SDHAF4: variants seen among roughly 807,000 people sequenced by gnomAD.
SDHAF4 encodes succinate dehydrogenase complex assembly factor 4.
Under a neutral mutation model 14.3 loss-of-function variants are expected in SDHAF4, and 14 were observed. That is an observed-to-expected ratio of 0.98 (90% CI 0.65 to 1.53). SDHAF4 has a LOEUF of 1.53. Among genes scored for constraint, SDHAF4 ranks in the 40% most tolerant of loss-of-function variants. The pLI, the probability that SDHAF4 is intolerant of heterozygous loss-of-function variation, is 0.00. For missense variants in SDHAF4, 141 were observed against 129.3 expected, an observed-to-expected ratio of 1.09 and a Z score of -0.44; for synonymous variants, 63 against 47.3, an observed-to-expected ratio of 1.33 and a Z score of -1.36.
chr6:70,588,523 AAAT>A, intron 2 of SDHAF4, 89 bp from the exon 3 acceptor site: 1 of 580,114 alleles, frequency 1.7e-6, no homozygotes, highest in Non-Finnish European at 2.9e-6. Context: ...CTGTCTCAAA[AAAT>A]AATAAATAAA....
intron 1 of SDHAF4, among the ~76,000 whole-genome samples, chr6:70,572,556 A>T (rs1802197621): frequency 6.6e-6 from 1 of 152,196 alleles, no homozygotes; most frequent in Non-Finnish European, 1.5e-5. Context: ...TTTATCAATT[A>T]AAAAATGAAG....
Position 70,588,681 on chromosome 6 carries a change from G to A in SDHAF4, c.284G>A (p.Arg95Gln), listed in dbSNP as rs756873098. The change falls in exon 3 of 3, where the codon CGA becomes CAA. Residue 95 changes from arginine (R) to glutamine (Q), a missense_variant. Physicochemically the swap from Arg to Gln is conservative, Grantham distance 43. Transcript: ENST00000370474. ...GGACCCAGGGGCCCAGAACCTACCC[G>A]ATATGGAGATTGGGAACGAAAAGGA... ...KGGPRGPEPTRYGDWERKGRC... is the reference protein window; with the variant it reads ...KGGPRGPEPTQYGDWERKGRC... 35 of 1,605,774 alleles carry A rather than the reference G, an allele frequency of 2.2e-5. No homozygotes were observed. Among genetic ancestry groups the A allele is most frequent in the South Asian group, 3.3e-5 (3 of 90,052 alleles).
intron 1 of SDHAF4, among the ~76,000 whole-genome samples, chr6:70,569,536 GC>G (rs1802153767): frequency 6.6e-6 from 1 of 152,152 alleles, no homozygotes; most frequent in Admixed American, 6.5e-5. Flanking sequence ...GAGCTGCCAC[GC>G]CCGGCCTTTT....
chr6:70,570,526 T>G (rs1003758112), intron 1 of SDHAF4, among the ~76,000 whole-genome samples: 2 of 152,160 alleles, frequency 1.3e-5, no homozygotes, highest in Non-Finnish European at 2.9e-5. Context: ...TTTTGCCATG[T>G]TAGCCAAGTG....
At chr6:70,587,168 T>TCACACACA (rs56012930) in intron 2 of SDHAF4, among the ~76,000 whole-genome samples, 22,405 of 135,388 alleles carry the variant, frequency 0.17, 1,864 homozygotes, top group Middle Eastern at 0.2. Flanking sequence ...TGAAACTCCA[T>TCACACACA]CACACACACA....
At chr6:70,597,870 C>T in the SDHAF4 span, among the ~76,000 whole-genome samples, 1 of 152,178 alleles carries the variant, frequency 6.6e-6, no homozygotes. Flanking sequence ...TTAAGCCCTT[C>T]CTGGTCCAAG....
intron 2 of SDHAF4, 77 bp downstream of exon 2, chr6:70,579,643 G>A (rs1432170767): frequency 2.4e-6 from 3 of 1,265,194 alleles, no homozygotes; most frequent in South Asian, 4.0e-5. Flanking sequence ...TGAGTGAAAG[G>A]AAAGAAATTT....
chr6:70,577,769 T>A (rs1204625270), intron 1 of SDHAF4, among the ~76,000 whole-genome samples: 1 of 152,196 alleles, frequency 6.6e-6, no homozygotes. Flanking sequence ...TGTTCTTGAG[T>A]ATCCAGTGTT....
chr6:70,570,133 A>G (rs1301779047), intron 1 of SDHAF4, among the ~76,000 whole-genome samples: 2 of 152,172 alleles, frequency 1.3e-5, no homozygotes, highest in Non-Finnish European at 2.9e-5. Flanking sequence ...ACCTGTCTTG[A>G]TAATTATAGC....
chr6:70,595,113 T>C, the SDHAF4 span, among the ~76,000 whole-genome samples: 409 of 152,150 alleles, frequency 2.7e-3, 6 homozygotes, highest in Admixed American at 0.025. Flanking sequence ...AAAAGTCAAG[T>C]CCAGTGTACA....
the SDHAF4 span, among the ~76,000 whole-genome samples, chr6:70,594,953 T>C: frequency 2.6e-5 from 4 of 151,924 alleles, no homozygotes; most frequent in African/African-American, 9.7e-5. Context: ...ATTACCTAGT[T>C]TCAGCTATTC....
chr6:70,594,914 G>GAA, the SDHAF4 span, among the ~76,000 whole-genome samples: 1,688 of 139,088 alleles, frequency 0.012, 31 homozygotes, highest in African/African-American at 0.039. Context: ...CTCCATCTCA[G>GAA]AAAAAAAAAA....
chr6:70,591,116 A>T (rs766647232), downstream of SDHAF4, among the ~76,000 whole-genome samples: 11 of 152,118 alleles, frequency 7.2e-5, no homozygotes, highest in East Asian at 1.9e-3. Flanking sequence ...ACCAGTTCCA[A>T]TGCTAATCTC....
chr6:70,576,086 G>T (rs1802251980), intron 1 of SDHAF4, among the ~76,000 whole-genome samples: 1 of 152,116 alleles, frequency 6.6e-6, no homozygotes, highest in Non-Finnish European at 1.5e-5. Flanking sequence ...TGTTTCTTTT[G>T]CTCTGCCTTT....
chr6:70,581,001 G>A (rs541023148), intron 2 of SDHAF4, among the ~76,000 whole-genome samples: 4 of 152,062 alleles, frequency 2.6e-5, no homozygotes, highest in South Asian at 2.1e-4. Context: ...GCACACTCTC[G>A]GCTCACTGCA....
chr6:70,575,268 C>T (rs1433801662), intron 1 of SDHAF4, among the ~76,000 whole-genome samples: 1 of 152,082 alleles, frequency 6.6e-6, no homozygotes, highest in African/African-American at 2.4e-5. Context: ...ATCCCATCTA[C>T]TCGGGAGGCT....
At chr6:70,586,428 CTTTTT>C (rs70990316) in intron 2 of SDHAF4, among the ~76,000 whole-genome samples, 7 of 80,302 alleles carry the variant, frequency 8.7e-5, no homozygotes, top group African/African-American at 3.0e-4. Context: ...ATTTGTTTGC[CTTTTT>C]TTTTTTTTTT....
At chr6:70,576,926 C>G (rs1431182742) in intron 1 of SDHAF4, among the ~76,000 whole-genome samples, 3 of 152,218 alleles carry the variant, frequency 2.0e-5, no homozygotes, top group Non-Finnish European at 4.4e-5. Flanking sequence ...GGTGGCTTAA[C>G]ACATTTTACA....
intron 1 of SDHAF4, among the ~76,000 whole-genome samples, chr6:70,571,408 G>A (rs964394867): frequency 6.6e-6 from 1 of 152,098 alleles, no homozygotes; most frequent in East Asian, 1.9e-4. Flanking sequence ...CCTGCCTCCC[G>A]GGTTCAAGTT....
Sources: allele counts gnomAD v4.1 joint callset (sites outside exome capture counted in the v4.1 genomes callset), GRCh38; gene constraint gnomAD v4.1.1; transcripts MANE v1.5; gene names NCBI Gene and HGNC (gene_info 2026-07-23, HGNC 2026-07-21).